Variants in ZNG1B observed in about 807,000 individuals in gnomAD.
ZNG1B encodes zinc-regulated GTPase metalloprotein activator 1B.
chr2:113,462,849 T>C, the ZNG1B span: 1 of 390,998 alleles, frequency 2.6e-6, no homozygotes, highest in Non-Finnish European at 4.5e-6. Flanking sequence ...AGTTCCTGTC[T>C]TTACTCATAA....
At chr2:113,475,627 C>G in the ZNG1B span, among the ~76,000 whole-genome samples, 1 of 151,908 alleles carries the variant, frequency 6.6e-6, no homozygotes, top group African/African-American at 2.4e-5. Flanking sequence ...GTGGCTGGTA[C>G]CGGTTGTTCC....
chr2:113,472,409 C>G, the ZNG1B span, among the ~76,000 whole-genome samples: 13 of 151,462 alleles, frequency 8.6e-5, no homozygotes, highest in Non-Finnish European at 8.8e-5. Flanking sequence ...GAGTAGGTTG[C>G]GAAAATTTTC....
the ZNG1B span, among the ~76,000 whole-genome samples, chr2:113,473,821 G>A: frequency 6.0e-3 from 785 of 130,930 alleles, 1 homozygote; most frequent in African/African-American, 0.021. Context: ...CCAGCCTTGC[G>A]TCCCAGGGAT....
chr2:113,440,568 A>G, the ZNG1B span, among the ~76,000 whole-genome samples: 1 of 152,194 alleles, frequency 6.6e-6, no homozygotes, highest in Non-Finnish European at 1.5e-5. Context: ...TGAAAGGAAT[A>G]TGACCTAAAA....
chr2:113,478,037 C>G, the ZNG1B span, among the ~76,000 whole-genome samples: 1 of 151,932 alleles, frequency 6.6e-6, no homozygotes, highest in East Asian at 1.9e-4. Context: ...CTACATATAC[C>G]ACATTTACTT....
At chr2:113,490,765 C>A in the ZNG1B span, among the ~76,000 whole-genome samples, 1 of 150,470 alleles carries the variant, frequency 6.6e-6, no homozygotes, top group East Asian at 1.9e-4. Flanking sequence ...ATACAACCCT[C>A]CTAGCTTAAA....
the ZNG1B span, among the ~76,000 whole-genome samples, chr2:113,443,475 A>G: frequency 3.3e-5 from 5 of 151,510 alleles, no homozygotes; most frequent in Admixed American, 6.6e-5. Flanking sequence ...TGCCTTCAAG[A>G]TAGCTACTTT....
chr2:113,486,598 T>C, the ZNG1B span, among the ~76,000 whole-genome samples: 3 of 151,906 alleles, frequency 2.0e-5, no homozygotes, highest in African/African-American at 7.3e-5. Context: ...CTGCAAAAAA[T>C]ACAAAAAATT....
chr2:113,439,749 T>G, the ZNG1B span, among the ~76,000 whole-genome samples: 1 of 152,116 alleles, frequency 6.6e-6, no homozygotes, highest in East Asian at 1.9e-4. Flanking sequence ...TTACTGTGAC[T>G]CCTCTGGCTA....
chr2:113,466,487 A>G, the ZNG1B span: 1 of 966,438 alleles, frequency 1.0e-6, no homozygotes, highest in African/African-American at 1.9e-5. Context: ...TTATAGAACA[A>G]TAAACATGCA....
At chr2:113,447,475 CCAAT>C in the ZNG1B span, 1 of 421,758 alleles carries the variant, frequency 2.4e-6, no homozygotes, top group Non-Finnish European at 4.6e-6. Flanking sequence ...TGGGTGCTGA[CCAAT>C]CAGGGTAGTA....
the ZNG1B span, chr2:113,495,314 T>C: frequency 1.8e-4 from 269 of 1,504,962 alleles, 53 homozygotes; most frequent in South Asian, 3.0e-3. Context: ...GGATATCATG[T>C]GCCACTCAAA....
the ZNG1B span, among the ~76,000 whole-genome samples, chr2:113,490,937 CAA>C: frequency 8.3e-6 from 1 of 119,966 alleles, no homozygotes; most frequent in African/African-American, 3.2e-5. Flanking sequence ...CACTATTCCA[CAA>C]GAGAGAGAAA....
At chr2:113,456,562 G>T in the ZNG1B span, among the ~76,000 whole-genome samples, 1 of 151,890 alleles carries the variant, frequency 6.6e-6, no homozygotes, top group Non-Finnish European at 1.5e-5. Flanking sequence ...GTATGGAGAA[G>T]AGTTAAATAG....
chr2:113,442,857 A>T, the ZNG1B span, among the ~76,000 whole-genome samples: 1 of 152,240 alleles, frequency 6.6e-6, no homozygotes, highest in South Asian at 2.1e-4. Context: ...TCTTTATTAG[A>T]GGAAAAGTAA....
At chr2:113,450,490 A>G in the ZNG1B span, among the ~76,000 whole-genome samples, 13 of 149,602 alleles carry the variant, frequency 8.7e-5, no homozygotes, top group Middle Eastern at 3.2e-3. Context: ...CTACAAACGC[A>G]TTTTCATCTT....
the ZNG1B span, among the ~76,000 whole-genome samples, chr2:113,464,582 G>A: frequency 4.0e-5 from 6 of 151,038 alleles, no homozygotes; most frequent in Non-Finnish European, 8.8e-5. Context: ...GGCATAATGG[G>A]TAGAGAGCCT....
the ZNG1B span, chr2:113,481,464 A>T: frequency 6.6e-6 from 1 of 152,198 alleles, no homozygotes; most frequent in African/African-American, 2.4e-5. Context: ...TGCTGTTACT[A>T]ATTTACCCCT....
the ZNG1B span, among the ~76,000 whole-genome samples, chr2:113,489,528 T>A: frequency 6.6e-6 from 1 of 152,008 alleles, no homozygotes. Context: ...AATACTAACA[T>A]TGAATATAAA....
Sources: gnomAD v4.1 joint callset for allele counts (sites outside exome capture counted in the v4.1 genomes callset) on GRCh38, gnomAD v4.1.1 for gene constraint, MANE v1.5 for transcripts, NCBI Gene and HGNC (gene_info 2026-07-23, HGNC 2026-07-21) for gene names.